HDAC9: variants seen among roughly 807,000 people sequenced by gnomAD.
HDAC9 encodes histone deacetylase 9.
Under a neutral mutation model 139.4 loss-of-function variants are expected in HDAC9, and 41 were observed. That is an observed-to-expected ratio of 0.29 (90% confidence interval 0.23 to 0.38). The LOEUF is 0.38. HDAC9 is among the 10% of genes least tolerant of loss of function. The pLI is 1.00. For synonymous variants in HDAC9, 517 were observed against 476.2 expected, an observed-to-expected ratio of 1.09 and a Z score of -1.12; for missense variants, 1,147 against 1,297.0, an observed-to-expected ratio of 0.88 and a Z score of 1.78.
At chr7:18,170,695 A>G (rs764292510) in intron 2 of HDAC9, among the ~76,000 whole-genome samples, 39 of 152,192 alleles carry the variant, frequency 2.6e-4, no homozygotes, top group Non-Finnish European at 4.6e-4. Context: ...ACCATTTATT[A>G]AACAGGGTAT....
chr7:18,724,201 C>G (rs780184533), intron 12 of HDAC9, among the ~76,000 whole-genome samples: 1 of 152,022 alleles, frequency 6.6e-6, no homozygotes, highest in African/African-American at 2.4e-5. Context: ...CATATCATCC[C>G]GAATTTTTCC....
At chr7:18,550,587 A>G (rs1816797061) in intron 2 of HDAC9, among the ~76,000 whole-genome samples, 1 of 152,234 alleles carries the variant, frequency 6.6e-6, no homozygotes, top group Non-Finnish European at 1.5e-5. Flanking sequence ...GGTGGGGGAT[A>G]TCAGGTGGGA....
upstream of HDAC9, among the ~76,000 whole-genome samples, chr7:18,285,745 T>A (rs954667216): frequency 2.6e-5 from 4 of 152,136 alleles, no homozygotes; most frequent in Non-Finnish European, 5.9e-5. Context: ...GGAATGCTCC[T>A]TCTTTTCAGC....
intron 1 of HDAC9, among the ~76,000 whole-genome samples, chr7:18,487,963 CAG>C (rs1362841635): frequency 1.3e-5 from 2 of 151,968 alleles, no homozygotes; most frequent in Non-Finnish European, 2.9e-5. Flanking sequence ...CTACACATGA[CAG>C]AATTTTTGGT....
At position 18,931,962 on chromosome 7, in the gene HDAC9, A is replaced by G. The variant is rs557391336; in HGVS notation, c.2804-3847A>G. Reference sequence around the variant, plus strand: ...TTTGTCAAAACCCACAGAATGTACAACACAAAGTGTGAACCTCAACTATAC... The same window carrying G: ...TTTGTCAAAACCCACAGAATGTACAGCACAAAGTGTGAACCTCAACTATAC... On this transcript the variant is annotated intron_variant, in intron 22 of 25. Transcript: ENST00000686413. 9.2e-5 allele frequency among the ~76,000 whole-genome samples: 14 copies of G among 152,296 alleles called. No individual in the cohort carries two copies. The South Asian group carries it at 2.9e-3, about 32-fold the overall frequency.
At chr7:18,184,357 T>G (rs1326270187) in intron 2 of HDAC9, among the ~76,000 whole-genome samples, 2 of 152,058 alleles carry the variant, frequency 1.3e-5, no homozygotes, top group Non-Finnish European at 2.9e-5. Context: ...CCAAGATCTC[T>G]CCATAGCACT....
intron 1 of HDAC9, among the ~76,000 whole-genome samples, chr7:18,448,558 C>T (rs1437957475): frequency 6.6e-6 from 1 of 152,058 alleles, no homozygotes; most frequent in Non-Finnish European, 1.5e-5. Context: ...GGTAACGTAA[C>T]TATTTTATGG....
upstream of HDAC9, among the ~76,000 whole-genome samples, chr7:18,286,646 A>C (rs918210284): frequency 6.6e-6 from 1 of 151,850 alleles, no homozygotes; most frequent in African/African-American, 2.4e-5. Flanking sequence ...GAATTATAAA[A>C]AGAGAGGTTT....
chr7:18,563,859 C>G (rs549672394), intron 2 of HDAC9, among the ~76,000 whole-genome samples: 5 of 127,824 alleles, frequency 3.9e-5, no homozygotes, highest in Non-Finnish European at 8.0e-5. Flanking sequence ...TTTTTTGAGA[C>G]GGATTCTTGC....
At chr7:18,624,474 T>C (rs1264142187) in intron 6 of HDAC9, among the ~76,000 whole-genome samples, 1 of 152,278 alleles carries the variant, frequency 6.6e-6, no homozygotes, top group Admixed American at 6.5e-5. Flanking sequence ...ACTAAAAAGC[T>C]TGCCTTCTGT....
intron 12 of HDAC9, among the ~76,000 whole-genome samples, chr7:18,695,862 T>G (rs1783006896): frequency 6.6e-6 from 1 of 152,202 alleles, no homozygotes. Flanking sequence ...GTATTTTGAA[T>G]ATAATGGACC....
At chr7:18,760,938 C>T (rs886919060) in intron 14 of HDAC9, among the ~76,000 whole-genome samples, 2 of 152,172 alleles carry the variant, frequency 1.3e-5, no homozygotes, top group Non-Finnish European at 2.9e-5. Context: ...TTGTCCTCGT[C>T]CTGAGAGAGG....
At chr7:18,189,502 G>T (rs1490885923) in intron 2 of HDAC9, among the ~76,000 whole-genome samples, 1 of 152,074 alleles carries the variant, frequency 6.6e-6, no homozygotes, top group Non-Finnish European at 1.5e-5. Context: ...AGAAAAAAAA[G>T]AATCACGTGG....
chr7:18,342,002 C>T (rs1032554753), intron 1 of HDAC9, among the ~76,000 whole-genome samples: 6 of 151,796 alleles, frequency 4.0e-5, no homozygotes, highest in African/African-American at 7.3e-5. Context: ...CTCAGTGTCC[C>T]GTGATCAAAG....
intron 1 of HDAC9, among the ~76,000 whole-genome samples, chr7:18,399,460 A>G (rs565802088): frequency 3.3e-5 from 5 of 152,344 alleles, no homozygotes; most frequent in South Asian, 2.1e-4. Flanking sequence ...TTTAGATTTT[A>G]AAATTCGGAC....
At chr7:18,541,739 T>G (rs1813039686) in intron 2 of HDAC9, among the ~76,000 whole-genome samples, 1 of 152,252 alleles carries the variant, frequency 6.6e-6, no homozygotes, top group Non-Finnish European at 1.5e-5. Flanking sequence ...TCAGATTTTA[T>G]AGTCTATTTA....
intron 22 of HDAC9, among the ~76,000 whole-genome samples, chr7:18,910,529 T>C (rs1802649083): frequency 6.6e-6 from 1 of 152,004 alleles, no homozygotes; most frequent in Non-Finnish European, 1.5e-5. Context: ...TGAATGCCTT[T>C]TATGTTTTTC....
intron 17 of HDAC9, among the ~76,000 whole-genome samples, chr7:18,802,382 C>A (rs1299989466): frequency 6.6e-6 from 1 of 151,832 alleles, no homozygotes; most frequent in Non-Finnish European, 1.5e-5. Context: ...TGATCTGTAT[C>A]ATACTAGTTC....
chr7:18,629,324 T>A, intron 6 of HDAC9, 26 bp from the exon 7 acceptor site: 2 of 1,044,460 alleles, frequency 1.9e-6, no homozygotes, highest in South Asian at 3.8e-5. Context: ...TTTTATCTAT[T>A]TTTTTTTTTT....
Sources: allele counts gnomAD v4.1 joint callset (sites outside exome capture counted in the v4.1 genomes callset), GRCh38; gene constraint gnomAD v4.1.1; transcripts MANE v1.5; gene names NCBI Gene and HGNC (gene_info 2026-07-23, HGNC 2026-07-21).